Variants in CAST observed in about 807,000 individuals in gnomAD.
CAST encodes calpastatin.
Under a neutral mutation model 119.6 loss-of-function variants are expected in CAST, and 76 were observed. That is an observed-to-expected ratio of 0.64 (90% CI 0.53 to 0.77). CAST has a LOEUF of 0.77. CAST is among the 30% of genes least tolerant of loss of function. The pLI, the probability that CAST is intolerant of heterozygous loss-of-function variation, is 0.00. For missense variants in CAST, 953 were observed against 946.5 expected (o/e 1.01, Z -0.09); for synonymous variants, 319 against 331.6 (o/e 0.96, Z 0.41).
the CAST span, among the ~76,000 whole-genome samples, chr5:96,428,149 A>G: frequency 6.6e-6 from 1 of 152,160 alleles, no homozygotes; most frequent in South Asian, 2.1e-4. Flanking sequence ...TTCTTCTTTT[A>G]AAAATTCTAT....
chr5:96,665,284 T>C (rs1466293171), intron 1 of CAST, among the ~76,000 whole-genome samples: 2 of 152,220 alleles, frequency 1.3e-5, no homozygotes, highest in Non-Finnish European at 2.9e-5. Context: ...GTGAAATTTG[T>C]GCTAATTGAT....
At chr5:96,750,394 C>A (rs1204119849) in intron 19 of CAST, among the ~76,000 whole-genome samples, 193 bp from the exon 20 acceptor site, 2 of 152,006 alleles carry the variant, frequency 1.3e-5, no homozygotes, top group Non-Finnish European at 2.9e-5. Context: ...AGAAGTAAAA[C>A]CAAGTTGAAA....
chr5:96,068,329 T>A, the CAST span, among the ~76,000 whole-genome samples: 2 of 152,070 alleles, frequency 1.3e-5, no homozygotes, highest in African/African-American at 4.8e-5. Context: ...GTCTTGGGTC[T>A]TGTCTAGGAA....
At chr5:96,560,612 T>C (rs1055353086) in intron 1 of CAST, among the ~76,000 whole-genome samples, 3 of 152,174 alleles carry the variant, frequency 2.0e-5, no homozygotes, top group Non-Finnish European at 2.9e-5. Flanking sequence ...TGCTCATCAT[T>C]ACTGGCAATC....
the CAST span, among the ~76,000 whole-genome samples, chr5:96,329,655 T>C: frequency 6.6e-6 from 1 of 152,258 alleles, no homozygotes; most frequent in African/African-American, 2.4e-5. Context: ...TTTATGCTCC[T>C]GACATTTTCT....
the CAST span, among the ~76,000 whole-genome samples, chr5:96,512,662 T>C: frequency 6.6e-6 from 1 of 152,228 alleles, no homozygotes; most frequent in Non-Finnish European, 1.5e-5. Flanking sequence ...GAATGTAGTC[T>C]TTTATTACTA....
chr5:96,154,534 A>G, the CAST span, among the ~76,000 whole-genome samples: 1 of 152,162 alleles, frequency 6.6e-6, no homozygotes. Context: ...TGATCCATTA[A>G]CTAAAGTCTA....
At chr5:96,736,111 G>T in intron 9 of CAST, 61 bp from the exon 10 acceptor site, 1 of 987,964 alleles carries the variant, frequency 1.0e-6, no homozygotes, top group Non-Finnish European at 1.6e-6. Context: ...TTTAAAATTT[G>T]TAATAGTATT....
intron 1 of CAST, among the ~76,000 whole-genome samples, chr5:96,540,215 A>C (rs1745887002): frequency 6.6e-6 from 1 of 152,062 alleles, no homozygotes; most frequent in Non-Finnish European, 1.5e-5. Context: ...TTTAAATCAT[A>C]AGGAAAAAAG....
chr5:96,284,342 C>T, the CAST span, among the ~76,000 whole-genome samples: 1 of 152,036 alleles, frequency 6.6e-6, no homozygotes, highest in Non-Finnish European at 1.5e-5. Flanking sequence ...TTTCAGACAC[C>T]CTGAAAGTGT....
At chr5:96,628,359 CT>C (rs1467512849) in intron 1 of CAST, among the ~76,000 whole-genome samples, 3 of 152,222 alleles carry the variant, frequency 2.0e-5, no homozygotes, top group Admixed American at 1.3e-4. Flanking sequence ...GAGTTCAACT[CT>C]TCTATAAACA....
the CAST span, among the ~76,000 whole-genome samples, chr5:96,028,200 C>T: frequency 6.6e-6 from 1 of 151,576 alleles, no homozygotes; most frequent in African/African-American, 2.4e-5. Flanking sequence ...CCTTTAAACA[C>T]AAAAAATTAC....
At chr5:96,601,709 C>T (rs182003) in intron 1 of CAST, among the ~76,000 whole-genome samples, 26 of 151,622 alleles carry the variant, frequency 1.7e-4, no homozygotes, top group Non-Finnish European at 3.1e-4. Flanking sequence ...TTCCTTTGTG[C>T]ATCTGAAAAT....
chr5:96,723,384 G>A (rs1758656862), intron 4 of CAST, among the ~76,000 whole-genome samples: 1 of 152,054 alleles, frequency 6.6e-6, no homozygotes, highest in Non-Finnish European at 1.5e-5. Context: ...TGCTAAAATG[G>A]TCTTACTATT....
the CAST span, among the ~76,000 whole-genome samples, chr5:96,270,609 GA>G: frequency 6.6e-6 from 1 of 152,140 alleles, no homozygotes; most frequent in East Asian, 1.9e-4. Context: ...CACAGGAACA[GA>G]AAACCAAACA....
the CAST span, among the ~76,000 whole-genome samples, chr5:96,471,077 T>C: frequency 7.9e-5 from 12 of 152,192 alleles, no homozygotes; most frequent in South Asian, 2.1e-3. Context: ...ATCTTTGTAA[T>C]TGTGTAGATC....
chr5:96,652,920 C>T (rs76958524), intron 1 of CAST, among the ~76,000 whole-genome samples: 6,306 of 152,174 alleles, frequency 0.041, 172 homozygotes, highest in Middle Eastern at 0.092. Flanking sequence ...GGTAGCTAGG[C>T]ACCAACTGAG....
chr5:96,510,162 T>C, the CAST span, among the ~76,000 whole-genome samples: 2 of 152,228 alleles, frequency 1.3e-5, no homozygotes, highest in African/African-American at 2.4e-5. Flanking sequence ...GTCCAAGTTA[T>C]TTCTCAATAA....
At chr5:96,561,796 G>GGTTTTTTTTTT (rs1746370367) in intron 1 of CAST, among the ~76,000 whole-genome samples, 2 of 97,422 alleles carry the variant, frequency 2.1e-5, no homozygotes, top group South Asian at 4.2e-4. Context: ...GTTTTTTTTT[G>GGTTTTTTTTTT]TTTTTTTTTT....
Sources: gnomAD v4.1 joint callset for allele counts (sites outside exome capture counted in the v4.1 genomes callset) on GRCh38, gnomAD v4.1.1 for gene constraint, MANE v1.5 for transcripts, NCBI Gene and HGNC (gene_info 2026-07-23, HGNC 2026-07-21) for gene names.